Variants in NFIX observed in about 807,000 individuals in gnomAD.
NFIX encodes nuclear factor I X.
Under a neutral mutation model 53.3 loss-of-function variants are expected in NFIX, and 2 were observed. The ratio of observed to expected loss-of-function variants is 0.04; its 90% CI spans 0.02 to 0.12. The LOEUF (loss-of-function observed/expected upper bound fraction) is 0.12, where lower values mean the gene tolerates loss of function less well. Among genes scored for constraint, NFIX ranks in the 10% least tolerant of loss-of-function variants. The pLI, the probability that NFIX is intolerant of heterozygous loss-of-function variation, is 1.00. For missense variants in NFIX, 310 were observed against 674.5 expected (o/e 0.46, Z 5.99); for synonymous variants, 244 against 289.0 (o/e 0.84, Z 1.58).
intron 2 of NFIX, among the ~76,000 whole-genome samples, chr19:13,055,098 C>G (rs1339633862): frequency 6.6e-6 from 1 of 151,262 alleles, no homozygotes; most frequent in Non-Finnish European, 1.5e-5. Context: ...CCCTTTCCAG[C>G]CTCACCAAAC....
chr19:13,063,523 C>T (rs1479462169), intron 2 of NFIX, among the ~76,000 whole-genome samples: 3 of 151,944 alleles, frequency 2.0e-5, no homozygotes, highest in East Asian at 1.9e-4. Context: ...TTCCTCTCTG[C>T]TCTTTTTTGT....
intron 6 of NFIX, among the ~76,000 whole-genome samples, chr19:13,075,922 T>A (rs1413053476): frequency 6.6e-6 from 1 of 151,622 alleles, no homozygotes; most frequent in Non-Finnish European, 1.5e-5. Context: ...GCAGAGGGGG[T>A]GCCAAGCCTC....
Position 13,009,733 on chromosome 19 carries a change from T to C in NFIX, c.27+13869T>C, listed in dbSNP as rs1420491572. Reference sequence around the variant, plus strand: ...CTCCAAGTGGGGTACTGATGGGCACTGAAAAACCGATGGGCAGTGAGGGCT... The same window carrying C: ...CTCCAAGTGGGGTACTGATGGGCACCGAAAAACCGATGGGCAGTGAGGGCT... On this transcript the variant is annotated intron_variant, in intron 1 of 10. Transcript: ENST00000592199. This position sits in a 1 kb window ranked among gnomAD's most constrained non-coding sequence, Gnocchi z 4.7. Among the ~76,000 whole-genome samples, 1 of 152,182 alleles carries C rather than the reference T, an allele frequency of 6.6e-6. No individual in the cohort carries two copies. The highest frequency in any genetic ancestry group is 2.4e-5 in the African/African-American group (1 of 41,446).
At chr19:13,046,371 G>A (rs1213661338) in intron 2 of NFIX, among the ~76,000 whole-genome samples, 6 of 152,014 alleles carry the variant, frequency 3.9e-5, no homozygotes, top group Non-Finnish European at 5.9e-5. Flanking sequence ...GGGCCACTGT[G>A]TCTTGTGTTT....
intron 7 of NFIX, among the ~76,000 whole-genome samples, chr19:13,079,559 G>A (rs540453279): frequency 2.0e-5 from 3 of 152,280 alleles, no homozygotes; most frequent in East Asian, 1.9e-4. Context: ...TCCTGGGCTC[G>A]TATGTAGGAC....
intron 1 of NFIX, among the ~76,000 whole-genome samples, chr19:13,010,189 C>T (rs1279082560): frequency 6.6e-6 from 1 of 152,220 alleles, no homozygotes; most frequent in Non-Finnish European, 1.5e-5. Context: ...CCCGCCTTGG[C>T]CTGCCGGGCG....
chr19:13,093,887 C>T lies in NFIX; in HGVS notation c.1495-748C>T, dbSNP rs1407969517. Reference sequence around the variant, plus strand: ...AAGCAGCCCAGACCCTTGGGGTCTGCCCTGGGTGTGCTCTGAGCTGAGCCA... The same window carrying T: ...AAGCAGCCCAGACCCTTGGGGTCTGTCCTGGGTGTGCTCTGAGCTGAGCCA... On this transcript the variant is annotated intron_variant, in intron 10 of 10. Transcript: ENST00000592199. The surrounding 1 kb of genome is among the most constrained non-coding windows in gnomAD (Gnocchi z 4.7). Among the ~76,000 whole-genome samples, 1 of 152,162 alleles carries T rather than the reference C, an allele frequency of 6.6e-6. No homozygotes were observed. The highest frequency in any genetic ancestry group is 1.5e-5 in the Non-Finnish European group (1 of 68,020).
Position 13,011,939 on chromosome 19 carries a change from G to A in NFIX, c.28-13082G>A, listed in dbSNP as rs995178746. Among the ~76,000 whole-genome samples the A allele has an allele frequency of 2.0e-5, 3 of 152,182 alleles. No individual in the cohort carries two copies. Among genetic ancestry groups the A allele is most frequent in the Non-Finnish European group, 2.9e-5 (2 of 68,026 alleles). ...AGGTCTCCCCAGGGCCCAGGCAGGAGGAGGGAAGGTCGTGTGCTTTCCATG... is the reference window on the plus strand; with the variant it reads ...AGGTCTCCCCAGGGCCCAGGCAGGAAGAGGGAAGGTCGTGTGCTTTCCATG... On this transcript the variant is annotated intron_variant, in intron 1 of 10. Transcript: ENST00000592199. The surrounding 1 kb of genome is among the most constrained non-coding windows in gnomAD (Gnocchi z 6.5).
rs564496419 is a variant in NFIX, at chr19:13,078,015, C to T, written c.956-598C>T. On this transcript the variant is annotated intron_variant, in intron 6 of 10. Transcript: ENST00000592199. This position sits in a 1 kb window ranked among gnomAD's most constrained non-coding sequence, Gnocchi z 4.7. ...CCCCTCTGGCTCTGCCTGCACAGCC[C>T]GGCTAGGCCTGAGCAGCCCAAGGAC... Among the ~76,000 whole-genome samples the T allele has an allele frequency of 3.2e-4, 48 of 152,274 alleles. No individual in the cohort carries two copies. Among genetic ancestry groups the T allele is most frequent in the Admixed American group, 3.1e-3 (47 of 15,304 alleles).
chr19:13,014,069 G>A lies in NFIX; in HGVS notation c.28-10952G>A, dbSNP rs2012521995. Reference sequence around the variant, plus strand: ...TGGTTTTCTTTTTAAATAATGCTAAGCATTGGAATAATTAAAGAGTGAGAA... The same window carrying A: ...TGGTTTTCTTTTTAAATAATGCTAAACATTGGAATAATTAAAGAGTGAGAA... On this transcript the variant is annotated intron_variant, in intron 1 of 10. Coordinates refer to ENST00000592199, the MANE Select transcript of NFIX (RefSeq NM_001365902.3). This position sits in a 1 kb window ranked among gnomAD's most constrained non-coding sequence, Gnocchi z 4.4. The A allele has an allele frequency of 6.6e-6, 1 of 152,218 alleles. No homozygotes were observed. Among genetic ancestry groups the A allele is most frequent in the Non-Finnish European group, 1.5e-5 (1 of 68,052 alleles). 9.4% of individuals were successfully genotyped at this position (152,218 alleles called of 1,614,324 possible).
intron 10 of NFIX, among the ~76,000 whole-genome samples, chr19:13,092,307 G>A (rs970067471): frequency 2.0e-5 from 3 of 152,234 alleles, no homozygotes; most frequent in African/African-American, 7.2e-5. Flanking sequence ...AGGAAGTAGG[G>A]AGGGGTGAGC....
chr19:13,008,075 A>G (rs2012126407), intron 1 of NFIX, among the ~76,000 whole-genome samples: 1 of 152,226 alleles, frequency 6.6e-6, no homozygotes, highest in African/African-American at 2.4e-5. Context: ...TGACAAGTTA[A>G]GGAGGTAGGA....
chr19:13,057,839 C>T (rs1043501188), intron 2 of NFIX, among the ~76,000 whole-genome samples: 4 of 152,110 alleles, frequency 2.6e-5, no homozygotes, highest in African/African-American at 9.7e-5. Flanking sequence ...TCCCCGCAAC[C>T]GAGGCCCTAG....
In NFIX at chr19:13,081,659, T is replaced by A. The variant is rs2017473234; in HGVS notation, c.1079-21T>A. The A allele has an allele frequency of 1.2e-6, 2 of 1,608,600 alleles. No homozygotes were observed. Among genetic ancestry groups the A allele is most frequent in the Non-Finnish European group, 1.7e-6 (2 of 1,176,264 alleles). On this transcript the variant is annotated intron_variant, in intron 7 of 10. Transcript: ENST00000592199. The surrounding 1 kb of genome is among the most constrained non-coding windows in gnomAD (Gnocchi z 4.7). ...CCTCCTTGGCCCTGACGCCCTTTTT[T>A]CCCTGCCCACGTGCATGCAGGGAGC...
chr19:13,066,361 C>T lies in NFIX; in HGVS notation c.560-6686C>T, dbSNP rs1390419909. Among the ~76,000 whole-genome samples the T allele has an allele frequency of 6.6e-6, 1 of 151,990 alleles. No homozygotes were observed. The highest frequency in any genetic ancestry group is 2.4e-5 in the African/African-American group (1 of 41,338). On this transcript the variant is annotated intron_variant, in intron 2 of 10. Transcript: ENST00000592199. The surrounding 1 kb of genome is among the most constrained non-coding windows in gnomAD (Gnocchi z 4.2). ...TTCCTGTGCCTTCCCTACCCCCCCG[C>T]CCCCAACAATGGCTTTTCTTGAGCC...
At chr19:13,065,984 T>C (rs2016376423) in intron 2 of NFIX, among the ~76,000 whole-genome samples, 1 of 152,170 alleles carries the variant, frequency 6.6e-6, no homozygotes, top group African/African-American at 2.4e-5. Flanking sequence ...GCTGTGTGGC[T>C]GGAAGGCTTC....
At position 13,066,386 on chromosome 19, in the gene NFIX, C is replaced by G. The variant is rs1266364266; in HGVS notation, c.560-6661C>G. On this transcript the variant is annotated intron_variant, in intron 2 of 10. Coordinates refer to ENST00000592199, the MANE Select transcript of NFIX (RefSeq NM_001365902.3). This position sits in a 1 kb window ranked among gnomAD's most constrained non-coding sequence, Gnocchi z 4.2. Reference sequence around the variant, plus strand: ...CCCCCAACAATGGCTTTTCTTGAGCCTAGGCCCTAGGGGCAGCCAGAGCAG... The same window carrying G: ...CCCCCAACAATGGCTTTTCTTGAGCGTAGGCCCTAGGGGCAGCCAGAGCAG... 6.6e-6 allele frequency among the ~76,000 whole-genome samples: 1 copy of G among 151,614 alleles called. No homozygotes were observed. Among genetic ancestry groups the G allele is most frequent in the East Asian group, 1.9e-4 (1 of 5,144 alleles).
intron 1 of NFIX, among the ~76,000 whole-genome samples, chr19:13,007,411 G>A (rs1397305591): frequency 2.0e-5 from 3 of 152,210 alleles, no homozygotes; most frequent in Admixed American, 6.5e-5. Context: ...TGCAGAGCAG[G>A]ACTGCAGCAA....
chr19:13,019,003 T>C lies in NFIX; in HGVS notation c.28-6018T>C, dbSNP rs374317957. ...AATATCTGGTCATTTCTGTGAAGTTTTGTAAGTTATTTGCTCTAATTGCCT... is the reference window on the plus strand; with the variant it reads ...AATATCTGGTCATTTCTGTGAAGTTCTGTAAGTTATTTGCTCTAATTGCCT... On this transcript the variant is annotated intron_variant, in intron 1 of 10. Transcript: ENST00000592199. 8.5e-5 allele frequency among the ~76,000 whole-genome samples: 13 copies of C among 152,354 alleles called. No homozygotes were observed. The South Asian group carries it at 1.4e-3, about 17-fold the overall frequency.
Sources: gnomAD v4.1 joint callset for allele counts (sites outside exome capture counted in the v4.1 genomes callset) on GRCh38, gnomAD v4.1.1 for gene constraint, Gnocchi (gnomAD v3.1) non-coding constraint, MANE v1.5 for transcripts, NCBI Gene and HGNC (gene_info 2026-07-23, HGNC 2026-07-21) for gene names.